The following COPA variants were observed in gnomAD, a reference collection of about 807,000 sequenced individuals.
COPA encodes coat protein complex I subunit alpha, also known as coatomer subunit alpha.
In COPA, 10 loss-of-function variants were observed where a neutral mutation model predicts 158.7. The observed-to-expected ratio is 0.06, with a 90% CI of 0.04 to 0.11. The LOEUF (loss-of-function observed/expected upper bound fraction) is 0.11. COPA is among the 10% of genes least tolerant of loss of function. The probability of loss-of-function intolerance (pLI) is 1.00; values close to 1 mark genes in which losing one functional copy is unlikely to be tolerated. For synonymous variants in COPA, 462 were observed against 542.8 expected (o/e 0.85, Z 2.07); for missense variants, 1,065 against 1,536.7 (o/e 0.69, Z 5.13).
intron 6 of COPA, among the ~76,000 whole-genome samples, chr1:160,328,454 G>A (rs997533867): frequency 7.2e-5 from 11 of 152,120 alleles, no homozygotes; most frequent in African/African-American, 1.2e-4. Context: ...TCAACAAGCC[G>A]CTCGCTAGGA....
At chr1:160,315,468 C>T (rs746148608) in intron 8 of COPA, among the ~76,000 whole-genome samples, 10 of 152,242 alleles carry the variant, frequency 6.6e-5, no homozygotes, top group African/African-American at 9.6e-5. Flanking sequence ...TGCCCATACA[C>T]GAACCTCTAG....
At chr1:160,335,920 T>C (rs1647738566) in intron 3 of COPA, among the ~76,000 whole-genome samples, 1 of 150,924 alleles carries the variant, frequency 6.6e-6, no homozygotes, top group African/African-American at 2.4e-5. Context: ...TTTCTTTCTT[T>C]GGGAAGAAGC....
chr1:160,338,176 C>A (rs1647861289), intron 3 of COPA, among the ~76,000 whole-genome samples: 1 of 152,190 alleles, frequency 6.6e-6, no homozygotes, highest in African/African-American at 2.4e-5. Context: ...CCCAAGTTAA[C>A]CATTCTTGAT....
intron 25 of COPA, among the ~76,000 whole-genome samples, chr1:160,294,119 G>C (rs990270369): frequency 6.6e-6 from 1 of 152,170 alleles, no homozygotes; most frequent in African/African-American, 2.4e-5. Flanking sequence ...AGATGGAAGT[G>C]ACAAGGCCAC....
chr1:160,312,153 TCA>T (rs1305095384), intron 10 of COPA, 135 bp from the exon 11 acceptor site: 2 of 794,064 alleles, frequency 2.5e-6, no homozygotes, highest in African/African-American at 1.7e-5. Flanking sequence ...GCCTAAATTC[TCA>T]CAATTCTTGG....
rs754102714 is a variant in COPA at position 160,307,277 on chromosome 1, TGTG to T, written c.1220-35_1220-33del. ...AGAACAAAACCAAAGGGTGGGAGCA[TGTG>T]GTGAGTCACTGGCAGGTGACATAGT... On this transcript the variant is annotated intron_variant, in intron 13 of 32. Transcript: ENST00000241704. The T allele has an allele frequency of 4.4e-6, 7 of 1,606,142 alleles. No individual in the cohort carries two copies. The African/African-American group carries it at 8.0e-5, about 18-fold the overall frequency.
intron 9 of COPA, among the ~76,000 whole-genome samples, chr1:160,313,700 A>G (rs907308616): frequency 1.5e-4 from 23 of 152,212 alleles, no homozygotes; most frequent in Non-Finnish European, 1.5e-4. Flanking sequence ...GGCATGAGCC[A>G]CCGCGCCCGG....
At chr1:160,320,755 A>G (rs777874050) in intron 8 of COPA, among the ~76,000 whole-genome samples, 120 of 150,360 alleles carry the variant, frequency 8.0e-4, no homozygotes, top group Non-Finnish European at 4.1e-4. Context: ...ATTCTACCAA[A>G]CATTTAAAGA....
In COPA at chr1:160,290,907, G is replaced by C. The variant is rs898580750; in HGVS notation, c.3421-221C>G. Among the ~76,000 whole-genome samples, 11 of 152,282 alleles carry C rather than the reference G, an allele frequency of 7.2e-5. No individual in the cohort carries two copies. The East Asian group carries it at 1.9e-3, about 27-fold the overall frequency. Reference sequence around the variant, plus strand: ...AATACAAAAGTGGCTCCATAATCTAGACCCACATTCCTCCACCAACTCTAG... The same window carrying C: ...AATACAAAAGTGGCTCCATAATCTACACCCACATTCCTCCACCAACTCTAG... On this transcript the variant is annotated intron_variant, in intron 31 of 32. Transcript: ENST00000241704.
chr1:160,314,165 TACTATA>T (rs753640544), intron 8 of COPA, 40 bp from the exon 9 acceptor site: 13 of 1,582,710 alleles, frequency 8.2e-6, no homozygotes, highest in Non-Finnish European at 1.1e-5. Context: ...AATTCCCTAC[TACTATA>T]ACTTTAGGAT....
chr1:160,301,120 G>A (rs935846289), intron 17 of COPA, among the ~76,000 whole-genome samples: 4 of 151,924 alleles, frequency 2.6e-5, no homozygotes, highest in East Asian at 1.9e-4. Flanking sequence ...TCATGCCACT[G>A]TACTCCAGCC....
intron 8 of COPA, among the ~76,000 whole-genome samples, chr1:160,320,326 G>T (rs1335621998): frequency 6.6e-6 from 1 of 151,938 alleles, no homozygotes; most frequent in Non-Finnish European, 1.5e-5. Flanking sequence ...ATTGAACCAC[G>T]AGGCCAGGGA....
chr1:160,338,628 T>C (rs2101878749), intron 3 of COPA, among the ~76,000 whole-genome samples: 1 of 152,332 alleles, frequency 6.6e-6, no homozygotes, highest in South Asian at 2.1e-4. Flanking sequence ...ATATTCTGTC[T>C]GCTTCCTCAT....
At chr1:160,313,204 C>T (rs767596154) in intron 9 of COPA, 37 bp from the exon 10 acceptor site, 1 of 1,580,030 alleles carries the variant, frequency 6.3e-7, no homozygotes, top group Non-Finnish European at 8.7e-7. Context: ...CATTAATTTC[C>T]TAGGAATCTT....
chr1:160,293,551 G>C (rs1658310999), intron 25 of COPA, 88 bp from the exon 26 acceptor site: 1 of 1,044,202 alleles, frequency 9.6e-7, no homozygotes, highest in Non-Finnish European at 1.4e-6. Flanking sequence ...CTGGAGTACA[G>C]AGGCATGATC....
intron 3 of COPA, 99 bp downstream of exon 3, chr1:160,339,810 T>C (rs1647950980): frequency 2.8e-6 from 3 of 1,080,082 alleles, no homozygotes; most frequent in Admixed American, 3.7e-5. Flanking sequence ...GCCTGAGCTC[T>C]GTATGAATGA....
chr1:160,313,957 A>T, intron 9 of COPA, 33 bp downstream of exon 9: 1 of 1,546,398 alleles, frequency 6.5e-7, no homozygotes, highest in Non-Finnish European at 8.7e-7. Flanking sequence ...AGAGAGTAAG[A>T]GAAAGTTCAC....
At position 160,310,264 on chromosome 1, in the gene COPA, G is replaced by GAT. The variant is rs1658921299; in HGVS notation, c.1077-8_1077-7dup. On this transcript the variant is annotated splice_region_variant and splice_polypyrimidine_tract_variant and intron_variant, in intron 11 of 32. Coordinates refer to ENST00000241704, the MANE Select transcript of COPA (RefSeq NM_004371.4). ...ATACTGGAAACTTGGAACCACTAGAGATATATATAGAAAAAGGAGAAAACA... is the reference window on the plus strand; with the variant it reads ...ATACTGGAAACTTGGAACCACTAGAGATATATATATAGAAAAAGGAGAAAACA... The GAT allele has an allele frequency of 1.9e-6, 3 of 1,568,288 alleles. No homozygotes were observed. Among genetic ancestry groups the GAT allele is most frequent in the East Asian group, 2.3e-5 (1 of 43,976 alleles).
At chr1:160,299,074 T>C in intron 18 of COPA, 28 bp downstream of exon 18, 2 of 1,610,840 alleles carry the variant, frequency 1.2e-6, no homozygotes, top group South Asian at 2.2e-5. Flanking sequence ...CCTCTCTTAA[T>C]ACTCTAGTTT....
Sources: gnomAD v4.1 joint callset for allele counts (sites outside exome capture counted in the v4.1 genomes callset) on GRCh38, gnomAD v4.1.1 for gene constraint, MANE v1.5 for transcripts, NCBI Gene and HGNC (gene_info 2026-07-23, HGNC 2026-07-21) for gene names.